The following NRXN3 variants were observed in gnomAD, a reference collection of about 807,000 sequenced individuals.
NRXN3 encodes the protein neurexin III.
Under a neutral mutation model 137.6 loss-of-function variants are expected in NRXN3, and 32 were observed. That is an observed-to-expected ratio of 0.23 (90% confidence interval 0.18 to 0.31). The LOEUF is 0.31. NRXN3 is among the 10% of genes least tolerant of loss of function. The pLI is 1.00. For missense variants in NRXN3, 1,574 were observed against 2,062.5 expected, an observed-to-expected ratio of 0.76 and a Z score of 4.59; for synonymous variants, 798 against 784.5, an observed-to-expected ratio of 1.02 and a Z score of -0.29.
chr14:79,102,180 T>C (rs1443580868), intron 15 of NRXN3, among the ~76,000 whole-genome samples: 2 of 152,152 alleles, frequency 1.3e-5, no homozygotes, highest in African/African-American at 4.8e-5. Context: ...CCTAGGAATA[T>C]AATATAGTTC....
intron 16 of NRXN3, among the ~76,000 whole-genome samples, chr14:79,624,791 G>GTTTTTT (rs56285610): frequency 4.1e-5 from 5 of 121,018 alleles, no homozygotes; most frequent in African/African-American, 2.0e-4. Flanking sequence ...TTTCTTTCCC[G>GTTTTTT]TTTTTTTTTT....
intron 16 of NRXN3, among the ~76,000 whole-genome samples, chr14:79,628,222 A>G (rs1567709672): frequency 6.6e-6 from 1 of 152,194 alleles, no homozygotes; most frequent in Non-Finnish European, 1.5e-5. Context: ...CTGAATTTTC[A>G]TCATCATCCT....
intron 4 of NRXN3, among the ~76,000 whole-genome samples, chr14:78,467,523 C>T (rs1179914729): frequency 6.6e-6 from 1 of 152,200 alleles, no homozygotes; most frequent in Non-Finnish European, 1.5e-5. Context: ...TTTGGCCTTT[C>T]CCATACTCTG....
chr14:79,314,811 A>G (rs924968067), intron 15 of NRXN3, among the ~76,000 whole-genome samples: 2 of 145,862 alleles, frequency 1.4e-5, no homozygotes, highest in Non-Finnish European at 3.0e-5. Flanking sequence ...GTACACTGAC[A>G]CCTCACACGG....
Position 79,007,473 on chromosome 14 carries a change from G to A in NRXN3, c.3262+19332G>A, listed in dbSNP as rs2099555452. Among the ~76,000 whole-genome samples, 3 of 149,544 alleles carry A rather than the reference G, an allele frequency of 2.0e-5. No homozygotes were observed. In the Admixed American group the frequency reaches 2.0e-4, roughly 10 times the overall value. On this transcript the variant is annotated intron_variant, in intron 15 of 20. Coordinates refer to ENST00000335750, the MANE Select transcript of NRXN3 (RefSeq NM_001330195.2). ...AGTCATGAACTTTTTTTTTTTAAAG[G>A]CAATAGAAAGCAATCAACCAACCAA... is the stretch of plus-strand genomic sequence containing the variant.
At chr14:79,498,030 T>C (rs1379785430) in intron 16 of NRXN3, among the ~76,000 whole-genome samples, 1 of 151,996 alleles carries the variant, frequency 6.6e-6, no homozygotes, top group African/African-American at 2.4e-5. Context: ...CGAGATTCTG[T>C]CTCAGAAAAC....
intron 15 of NRXN3, among the ~76,000 whole-genome samples, chr14:79,292,270 A>T (rs542178346): frequency 3.5e-4 from 54 of 152,326 alleles, no homozygotes; most frequent in Non-Finnish European, 6.5e-4. Context: ...ATGAATAGTT[A>T]CATCTTTACA....
Position 79,344,244 on chromosome 14 carries a change from C to T in NRXN3, c.3263-122977C>T, listed in dbSNP as rs1444644563. On this transcript the variant is annotated intron_variant, in intron 15 of 20. Transcript: ENST00000335750. ...GCCAACTCCAGATCCTTCCAGGGCT[C>T]ATCTGACCATGTAGGAGTCTAGTTT... Among the ~76,000 whole-genome samples, 4 of 152,120 alleles carry T rather than the reference C, an allele frequency of 2.6e-5. No homozygotes were observed. In the East Asian group the frequency reaches 7.7e-4, roughly 29 times the overall value.
At chr14:79,142,316 G>C (rs1368283762) in intron 15 of NRXN3, among the ~76,000 whole-genome samples, 1 of 151,818 alleles carries the variant, frequency 6.6e-6, no homozygotes, top group Non-Finnish European at 1.5e-5. Context: ...TTCCCAGCTA[G>C]TCCGGAGGCT....
At chr14:79,334,767 C>T (rs1455398894) in intron 15 of NRXN3, among the ~76,000 whole-genome samples, 5 of 152,146 alleles carry the variant, frequency 3.3e-5, no homozygotes, top group African/African-American at 4.8e-5. Flanking sequence ...ATGATGTCCT[C>T]GGCCTTCTTA....
At chr14:78,242,110 T>G (rs935460103) in intron 1 of NRXN3, among the ~76,000 whole-genome samples, 2 of 152,188 alleles carry the variant, frequency 1.3e-5, no homozygotes, top group African/African-American at 4.8e-5. Context: ...AATGTGACCT[T>G]GTGATGTGAA....
chr14:78,918,427 C>T (rs761866486), intron 10 of NRXN3, among the ~76,000 whole-genome samples: 16 of 151,076 alleles, frequency 1.1e-4, no homozygotes, highest in Non-Finnish European at 1.9e-4. Flanking sequence ...TGTGGAAGAA[C>T]AGAACAGAGA....
chr14:79,751,251 C>A (rs2098996513), intron 19 of NRXN3, among the ~76,000 whole-genome samples: 1 of 152,042 alleles, frequency 6.6e-6, no homozygotes, highest in Non-Finnish European at 1.5e-5. Flanking sequence ...TTTCATTGAG[C>A]AGTGGTTTGT....
intron 15 of NRXN3, among the ~76,000 whole-genome samples, chr14:79,458,750 G>A (rs1288086439): frequency 6.6e-6 from 1 of 152,152 alleles, no homozygotes; most frequent in African/African-American, 2.4e-5. Flanking sequence ...TAAGTTGGCT[G>A]TGAGTTAATT....
intron 16 of NRXN3, among the ~76,000 whole-genome samples, chr14:79,582,752 A>G (rs1374373249): frequency 6.6e-6 from 1 of 152,144 alleles, no homozygotes; most frequent in Non-Finnish European, 1.5e-5. Context: ...CTTGTTAACT[A>G]AAGGAATGAA....
At chr14:79,511,627 C>T (rs1010595659) in intron 16 of NRXN3, among the ~76,000 whole-genome samples, 62 of 152,110 alleles carry the variant, frequency 4.1e-4, no homozygotes, top group African/African-American at 1.3e-3. Context: ...CCATTGAGCG[C>T]TCTTAGTCAA....
chr14:79,283,379 T>C (rs1056116024), intron 15 of NRXN3, among the ~76,000 whole-genome samples: 1 of 152,148 alleles, frequency 6.6e-6, no homozygotes, highest in Non-Finnish European at 1.5e-5. Context: ...AAAGCTGCTG[T>C]TCATCAGTTG....
At chr14:79,476,873 G>C (rs1276431140) in intron 16 of NRXN3, among the ~76,000 whole-genome samples, 1 of 152,050 alleles carries the variant, frequency 6.6e-6, no homozygotes, top group South Asian at 2.1e-4. Context: ...GCTTTCAAAT[G>C]CAATTCTGAC....
chr14:78,249,262 A>T (rs561215878), intron 2 of NRXN3, among the ~76,000 whole-genome samples: 227 of 152,212 alleles, frequency 1.5e-3, no homozygotes, highest in Non-Finnish European at 2.4e-3. Flanking sequence ...CTTTGGTCCA[A>T]ATTCAGCAAG....
Sources: allele counts gnomAD v4.1 joint callset (sites outside exome capture counted in the v4.1 genomes callset), GRCh38; gene constraint gnomAD v4.1.1; transcripts MANE v1.5; gene names NCBI Gene and HGNC (gene_info 2026-07-23, HGNC 2026-07-21).